RNF213: variants seen among roughly 807,000 people sequenced by gnomAD.
The protein encoded by RNF213 is E3 ubiquitin-protein ligase RNF213.
In RNF213, 341 loss-of-function variants were observed where a neutral mutation model predicts 514.4. The ratio of observed to expected loss-of-function variants is 0.66; its 90% confidence interval spans 0.61 to 0.73. RNF213 has a LOEUF of 0.73. Ranked by LOEUF, RNF213 falls within the 30% of genes least tolerant of loss-of-function variation. RNF213 has a pLI of 0.00. For missense variants in RNF213, 5,767 were observed against 6,615.6 expected (o/e 0.87, Z 4.45); for synonymous variants, 2,655 against 2,658.2 (o/e 1.00, Z 0.04).
At position 80,264,662 on chromosome 17, in the gene RNF213, C is replaced by T. The variant is rs1361319524; in HGVS notation, c.97+884C>T. On this transcript the variant is annotated intron_variant, in intron 2 of 67. Transcript: ENST00000582970. The surrounding 1 kb of genome is among the most constrained non-coding windows in gnomAD (Gnocchi z 5.0). Reference sequence around the variant, plus strand: ...ATGCAGAGGGCCCTGCTGGTCTCCCCGCCTCCACGCTGCATGCTGCCTTCC... The same window carrying T: ...ATGCAGAGGGCCCTGCTGGTCTCCCTGCCTCCACGCTGCATGCTGCCTTCC... 6.6e-6 allele frequency among the ~76,000 whole-genome samples: 1 copy of T among 152,132 alleles called. No individual in the cohort carries two copies. The highest frequency in any genetic ancestry group is 1.5e-5 in the Non-Finnish European group (1 of 68,038).
At chr17:80,386,485 C>A (rs1010094726) in intron 62 of RNF213, 55 bp downstream of exon 62, 3 of 1,584,616 alleles carry the variant, frequency 1.9e-6, no homozygotes, top group Non-Finnish European at 2.6e-6. Context: ...GTCCCTAAGC[C>A]CAGTGGGGCA....
chr17:80,281,337 C>A (rs2143056968), intron 3 of RNF213, among the ~76,000 whole-genome samples: 2 of 71,476 alleles, frequency 2.8e-5, no homozygotes, highest in Admixed American at 1.5e-4. Context: ...CACACACGCC[C>A]CCACACACAC....
intron 61 of RNF213, 95 bp downstream of exon 61, chr17:80,385,716 C>G (rs967826982): frequency 9.8e-7 from 1 of 1,021,364 alleles, no homozygotes; most frequent in East Asian, 2.5e-5. Context: ...CCTGTCAACA[C>G]CCAGCACTGT....
chr17:80,351,786 A>C lies in RNF213; in HGVS notation c.10286A>C (p.Tyr3429Ser). Residue 3429 changes from tyrosine to serine, a missense_variant, in exon 32 of 68, where the codon TAT becomes TCT. This residue lies in a region of RNF213 where 919 missense variants were observed against 1,121.0 expected (regional missense o/e 0.82). Coordinates refer to ENST00000582970, the MANE Select transcript of RNF213 (RefSeq NM_001256071.3). ...KLSRVGRGTAYVGFHGGLWQS... is the reference protein window; with the variant it reads ...KLSRVGRGTASVGFHGGLWQS... The stretch of plus-strand genomic sequence containing the variant: ...TCCCGGGTGGGAAGAGGAACAGCCT[A>C]TGTGGGCTTCCACGGAGGTGAGATC... 6.3e-7 allele frequency: 1 copy of C among 1,587,730 alleles called. No individual in the cohort carries two copies. The highest frequency in any genetic ancestry group is 8.7e-7 in the Non-Finnish European group (1 of 1,155,960).
At chr17:80,293,972 A>G (rs1448565084) in intron 8 of RNF213, among the ~76,000 whole-genome samples, 3 of 152,164 alleles carry the variant, frequency 2.0e-5, no homozygotes, top group Non-Finnish European at 4.4e-5. Flanking sequence ...CTGCCAGTCT[A>G]GACAACTGTG....
intron 18 of RNF213, among the ~76,000 whole-genome samples, 178 bp downstream of exon 18, chr17:80,325,376 A>C (rs1599027366): frequency 6.6e-6 from 1 of 152,184 alleles, no homozygotes; most frequent in East Asian, 1.9e-4. Context: ...TTGCGTTGTA[A>C]ATAATAACTA....
chr17:80,380,873 C>T lies in RNF213; in HGVS notation c.13683C>T (p.Asn4561=), dbSNP rs753033886. The T allele has an allele frequency of 1.9e-6, 3 of 1,614,170 alleles. No homozygotes were observed. The highest frequency in any genetic ancestry group is 2.2e-5 in the South Asian group (2 of 91,088). The change falls in exon 56 of 68, where the codon AAC becomes AAT. Residue 4561 remains asparagine (N), a synonymous_variant. Coordinates refer to ENST00000582970, the MANE Select transcript of RNF213 (RefSeq NM_001256071.3). ...CGCAGACCGGCCACGTGCTGGGCAA[C>T]CCGCAGCGGAGAGACGTGGTGACAT... The part of the protein sequence containing the change: ...DRTQTGHVLG[N]PQRRDVVTCD...
chr17:80,294,415 C>T (rs1174046133), intron 8 of RNF213, among the ~76,000 whole-genome samples: 6 of 152,204 alleles, frequency 3.9e-5, no homozygotes, highest in African/African-American at 1.2e-4. Flanking sequence ...ATCAAGTTTG[C>T]TGAGCTACAT....
At chr17:80,323,525 A>G (rs886139866) in intron 17 of RNF213, among the ~76,000 whole-genome samples, 2 of 151,910 alleles carry the variant, frequency 1.3e-5, no homozygotes, top group Non-Finnish European at 2.9e-5. Flanking sequence ...CTTTCATTCA[A>G]TTAGATTTTT....
At chr17:80,294,459 G>A (rs913665079) in intron 8 of RNF213, among the ~76,000 whole-genome samples, 2 of 152,222 alleles carry the variant, frequency 1.3e-5, no homozygotes, top group Admixed American at 6.5e-5. Flanking sequence ...CAGGCCCGCT[G>A]CATCCCATGA....
chr17:80,299,265 C>T (rs1386029560), intron 11 of RNF213, among the ~76,000 whole-genome samples: 3 of 152,200 alleles, frequency 2.0e-5, no homozygotes, highest in Non-Finnish European at 4.4e-5. Flanking sequence ...TGAGCCAGTT[C>T]TCTGTTACAG....
At chr17:80,318,816 A>G (rs879449329) in intron 16 of RNF213, among the ~76,000 whole-genome samples, 47 of 151,104 alleles carry the variant, frequency 3.1e-4, no homozygotes, top group East Asian at 1.2e-3. Flanking sequence ...CTCGTGATCC[A>G]CCCGCCTCAG....
At chr17:80,274,728 T>G (rs1264323728) in intron 3 of RNF213, among the ~76,000 whole-genome samples, 1 of 4,432 alleles carries the variant, frequency 2.3e-4, no homozygotes. Context: ...GGGGGGTGAG[T>G]GGGGTGTCTG....
intron 60 of RNF213, 152 bp downstream of exon 60, chr17:80,385,323 C>A: frequency 9.3e-7 from 1 of 1,077,718 alleles, no homozygotes; most frequent in Non-Finnish European, 1.4e-6. Flanking sequence ...GGTGCTTGAA[C>A]CCCAAAAACA....
At chr17:80,390,962 T>C (rs1238505542) in intron 67 of RNF213, among the ~76,000 whole-genome samples, 1 of 152,066 alleles carries the variant, frequency 6.6e-6, no homozygotes, top group African/African-American at 2.4e-5. Context: ...CTCAGGAGGC[T>C]GAGGCAGGAG....
chr17:80,390,128 C>A lies in RNF213; in HGVS notation c.15402C>A (p.His5134Gln). The change falls in exon 67 of 68, where the codon CAC becomes CAA. Residue 5134 changes from histidine to glutamine, a missense_variant. This residue lies in a region of RNF213 where 1,245 missense variants were observed against 1,339.0 expected (regional missense o/e 0.93). Coordinates refer to ENST00000582970, the MANE Select transcript of RNF213 (RefSeq NM_001256071.3). ...TGLDAFLLEL[H>Q]EMIILKLKNP... is the part of the protein sequence containing the mutation. ...TAGACGCCTTCCTGCTAGAGCTGCA[C>A]GAAATGATAATCTTGAAACTAAAGA... is the stretch of plus-strand genomic sequence containing the variant. 1.2e-6 allele frequency: 2 copies of A among 1,614,188 alleles called. No individual in the cohort carries two copies. The highest frequency in any genetic ancestry group is 1.7e-6 in the Non-Finnish European group (2 of 1,180,042).
In RNF213 at chr17:80,380,650, C is replaced by T. The variant is rs555058826; in HGVS notation, c.13641-181C>T. 1.4e-4 allele frequency among the ~76,000 whole-genome samples: 22 copies of T among 152,252 alleles called. No individual in the cohort carries two copies. The South Asian group carries it at 3.9e-3, about 27-fold the overall frequency. Reference sequence around the variant, plus strand: ...GAGAATGCGGTCGGGTCTGGTCCACCGGAAAGGCGAGTCTATCATGAGAGA... The same window carrying T: ...GAGAATGCGGTCGGGTCTGGTCCACTGGAAAGGCGAGTCTATCATGAGAGA... On this transcript the variant is annotated intron_variant, in intron 55 of 67. Transcript: ENST00000582970.
rs1469066026 is a variant in RNF213 at position 80,347,648 on chromosome 17, C to T, written c.9313C>T (p.Leu3105=). Residue 3105 remains leucine, a synonymous_variant, in exon 29 of 68, where the codon CTG becomes TTG. Coordinates refer to ENST00000582970, the MANE Select transcript of RNF213 (RefSeq NM_001256071.3). The surrounding 1 kb of genome is among the most constrained non-coding windows in gnomAD (Gnocchi z 7.2). ...AGGCAAGATGGTGTTGCTTCTCAACCTGCAGAACCTCTACGAGAGCCTCTA... is the reference window on the plus strand; with the variant it reads ...AGGCAAGATGGTGTTGCTTCTCAACTTGCAGAACCTCTACGAGAGCCTCTA... ...ETGKMVLLLN[L]QNLYESLYDA... 6.2e-7 allele frequency: 1 copy of T among 1,614,168 alleles called. No individual in the cohort carries two copies. The highest frequency in any genetic ancestry group is 1.3e-5 in the African/African-American group (1 of 75,062).
chr17:80,381,657 C>T lies in RNF213; in HGVS notation c.13908C>T (p.Asp4636=), dbSNP rs777090513. 26 of 1,614,166 alleles carry T rather than the reference C, an allele frequency of 1.6e-5. No homozygotes were observed. The Middle Eastern group carries it at 1.2e-3, about 72-fold the overall frequency. Reference sequence around the variant, plus strand: ...CCAAGATGCTGGGACACAGTGCCGACGAGACCATCGGCGTGGTCCACCTCG... The same window carrying T: ...CCAAGATGCTGGGACACAGTGCCGATGAGACCATCGGCGTGGTCCACCTCG... ...QLAKMLGHSA[D]ETIGVVHLVL... The change falls in exon 57 of 68, where the codon GAC becomes GAT. Residue 4636 remains aspartate (D), a synonymous_variant. Coordinates refer to ENST00000582970, the MANE Select transcript of RNF213 (RefSeq NM_001256071.3).
Sources: allele counts gnomAD v4.1 joint callset (sites outside exome capture counted in the v4.1 genomes callset), GRCh38; gene constraint gnomAD v4.1.1; regional missense constraint gnomAD v4.1.1; non-coding constraint Gnocchi (gnomAD v3.1); transcripts MANE v1.5; gene names NCBI Gene and HGNC (gene_info 2026-07-23, HGNC 2026-07-21).